The following FIG4 variants were observed in gnomAD, a reference collection of about 807,000 sequenced individuals.
FIG4 encodes polyphosphoinositide phosphatase.
In FIG4, 112 loss-of-function variants were observed where a neutral mutation model predicts 118.6. The ratio of observed to expected loss-of-function variants is 0.94; its 90% CI spans 0.81 to 1.11. The LOEUF (loss-of-function observed/expected upper bound fraction) is 1.11, where lower values mean the gene tolerates loss of function less well. Ranked by LOEUF, FIG4 falls within the 50% of genes least tolerant of loss-of-function variation. The pLI is 0.00. For synonymous variants in FIG4, 369 were observed against 381.2 expected, an observed-to-expected ratio of 0.97 and a Z score of 0.37; for missense variants, 969 against 1,111.7, an observed-to-expected ratio of 0.87 and a Z score of 1.83.
intron 22 of FIG4, among the ~76,000 whole-genome samples, chr6:109,797,109 C>T (rs1337770258): frequency 1.3e-5 from 2 of 152,118 alleles, no homozygotes; most frequent in South Asian, 2.1e-4. Flanking sequence ...TGAACTCTGC[C>T]CTCCACTGGG....
chr6:109,824,264 G>A (rs1175773753), intron 22 of FIG4, among the ~76,000 whole-genome samples: 1 of 152,184 alleles, frequency 6.6e-6, no homozygotes, highest in Non-Finnish European at 1.5e-5. Context: ...AGACCCACAA[G>A]CCATCATCCA....
At chr6:109,696,259 A>G (rs1422515787) in intron 1 of FIG4, among the ~76,000 whole-genome samples, 1 of 152,186 alleles carries the variant, frequency 6.6e-6, no homozygotes. Context: ...TATCCTTCCT[A>G]GTACTTCAAA....
Position 109,765,024 on chromosome 6 carries a change from T to C in FIG4, c.1446T>C (p.Leu482=), listed in dbSNP as rs1357627015. 6.2e-7 allele frequency: 1 copy of C among 1,614,032 alleles called. No individual in the cohort carries two copies. Among genetic ancestry groups the C allele is most frequent in the South Asian group, 1.1e-5 (1 of 91,092 alleles). ...GTATTTCTCTTTAGACTGGCATCCT[T>C]CGAACCAACTGTGTGGACTGTTTAG... ...IPTGRLQTGI[L]RTNCVDCLDR... is the part of the protein sequence containing the mutation. The change falls in exon 14 of 23, where the codon CTT becomes CTC. Residue 482 remains leucine (L), a synonymous_variant. Coordinates refer to ENST00000230124, the MANE Select transcript of FIG4 (RefSeq NM_014845.6).
Position 109,791,532 on chromosome 6 carries a change from GA to G in FIG4, c.2339del (p.Lys780ArgfsTer2), listed in dbSNP as rs756436225. 1 of 1,614,006 alleles carries G rather than the reference GA, an allele frequency of 6.2e-7. No homozygotes were observed. Among genetic ancestry groups the G allele is most frequent in the South Asian group, 1.1e-5 (1 of 91,076 alleles). ...CTGTGTCTCAGCGCTCCACTCCCGT[GA>G]AGATGACTGATGCAGGAGACAGTGC... Reference protein sequence around the residue: ...GSVSQRSTPVKMTDAGDSAKV... With the variant: ...GSVSQRSTPVXMTDAGDSAKV... On this transcript the variant is annotated frameshift_variant, in exon 20 of 23. Transcript: ENST00000230124. LOFTEE classifies it high-confidence loss of function.
At position 109,796,856 on chromosome 6, in the gene FIG4, G is replaced by C. The variant is rs1060501401; in HGVS notation, c.2546+5G>C. 2 of 1,503,756 alleles carry C rather than the reference G, an allele frequency of 1.3e-6. No individual in the cohort carries two copies. The highest frequency in any genetic ancestry group is 1.9e-6 in the Non-Finnish European group (2 of 1,079,116). The allele number at this position is 1,503,756 out of a possible 1,614,324, so 93.2% of individuals were successfully genotyped here. On this transcript the variant is annotated splice_donor_5th_base_variant and intron_variant, in intron 22 of 22. Transcript: ENST00000230124. ...CTCAGATGGAGTTATAAAACTGTAA[G>C]TACTAGATTAGATCTTTAAAGAAAT...
At chr6:109,753,423 C>T (rs1266732784) in intron 10 of FIG4, among the ~76,000 whole-genome samples, 5 of 150,202 alleles carry the variant, frequency 3.3e-5, no homozygotes, top group Non-Finnish European at 5.9e-5. Flanking sequence ...CTTGGTGATG[C>T]GGGCTCTTTT....
chr6:109,811,380 C>T (rs1373147001), intron 22 of FIG4, among the ~76,000 whole-genome samples: 2 of 152,060 alleles, frequency 1.3e-5, no homozygotes, highest in African/African-American at 2.4e-5. Context: ...CTTCTATCAG[C>T]AATGTGATGG....
intron 22 of FIG4, among the ~76,000 whole-genome samples, chr6:109,819,764 C>G (rs1778956295): frequency 6.6e-6 from 1 of 152,154 alleles, no homozygotes; most frequent in Admixed American, 6.5e-5. Flanking sequence ...TCACCATGGC[C>G]ATGTAATTGT....
intron 22 of FIG4, among the ~76,000 whole-genome samples, chr6:109,818,252 G>T (rs935934499): frequency 7.2e-5 from 11 of 151,850 alleles, no homozygotes; most frequent in African/African-American, 2.7e-4. Flanking sequence ...CCAGGTTGGA[G>T]GGCAATGGCG....
At chr6:109,821,642 T>G (rs1583780975) in intron 22 of FIG4, among the ~76,000 whole-genome samples, 1 of 152,216 alleles carries the variant, frequency 6.6e-6, no homozygotes, top group South Asian at 2.1e-4. Context: ...ACTGTTAACA[T>G]AAAAAAGATA....
intron 4 of FIG4, among the ~76,000 whole-genome samples, chr6:109,729,733 C>T (rs1377773978): frequency 2.0e-5 from 3 of 148,346 alleles, no homozygotes; most frequent in Non-Finnish European, 4.5e-5. Flanking sequence ...ATGTTTGTGC[C>T]ACTGTACTCC....
chr6:109,755,741 A>G (rs896789651), intron 10 of FIG4, among the ~76,000 whole-genome samples: 1 of 152,150 alleles, frequency 6.6e-6, no homozygotes, highest in African/African-American at 2.4e-5. Context: ...CTGTTTTATC[A>G]GAGACTAGGA....
chr6:109,796,762 T>C lies in FIG4; in HGVS notation c.2460-3T>C. 6.3e-7 allele frequency: 1 copy of C among 1,588,136 alleles called. No individual in the cohort carries two copies. Among genetic ancestry groups the C allele is most frequent in the Non-Finnish European group, 8.6e-7 (1 of 1,156,318 alleles). On this transcript the variant is annotated splice_region_variant and splice_polypyrimidine_tract_variant and intron_variant, in intron 21 of 22. Coordinates refer to ENST00000230124, the MANE Select transcript of FIG4 (RefSeq NM_014845.6). The stretch of plus-strand genomic sequence containing the variant: ...GCTGACTCTTATCCATTGTAATTTG[T>C]AGATTTGTTCAGCTGGGGCAGAGTC...
In FIG4 at chr6:109,750,473, A is replaced by AT. The variant is rs556248384; in HGVS notation, c.1137+6712dup. On this transcript the variant is annotated intron_variant, in intron 10 of 22. Transcript: ENST00000230124. ...GCATAGGAGACACAGTCTCTACAAA[A>AT]TTTTTTTTTTTCAATTAGTTGAGCA... 4.1e-4 allele frequency among the ~76,000 whole-genome samples: 61 copies of AT among 149,242 alleles called. No individual in the cohort carries two copies. The South Asian group carries it at 8.9e-3, about 22-fold the overall frequency.
chr6:109,813,906 G>A (rs78988717), intron 22 of FIG4, among the ~76,000 whole-genome samples: 8,545 of 152,204 alleles, frequency 0.056, 275 homozygotes, highest in South Asian at 0.16. Context: ...TCCAGCCTCC[G>A]TTAAGCCTTG....
chr6:109,783,612 C>T (rs1245750481), intron 16 of FIG4, among the ~76,000 whole-genome samples: 5 of 152,222 alleles, frequency 3.3e-5, no homozygotes, highest in Non-Finnish European at 7.3e-5. Context: ...ATAGCAGGTG[C>T]TTAATAAATG....
At chr6:109,727,960 C>A (rs1373889335) in intron 4 of FIG4, among the ~76,000 whole-genome samples, 1 of 152,102 alleles carries the variant, frequency 6.6e-6, no homozygotes, top group African/African-American at 2.4e-5. Context: ...AGATTTTGGT[C>A]GGATTCTGGG....
intron 1 of FIG4, among the ~76,000 whole-genome samples, chr6:109,710,856 G>T (rs181600663): frequency 8.6e-5 from 13 of 151,608 alleles, no homozygotes; most frequent in South Asian, 2.1e-4. Flanking sequence ...GTGTTTGTTT[G>T]AATCTTCTTT....
intron 10 of FIG4, 57 bp from the exon 11 acceptor site, chr6:109,760,193 C>A: frequency 6.8e-7 from 1 of 1,466,862 alleles, no homozygotes; most frequent in Non-Finnish European, 9.5e-7. Context: ...ACATGTTGAG[C>A]CTGTTCCTCT....
Sources: gnomAD v4.1 joint callset for allele counts (sites outside exome capture counted in the v4.1 genomes callset) on GRCh38, gnomAD v4.1.1 for gene constraint, MANE v1.5 for transcripts, NCBI Gene and HGNC (gene_info 2026-07-23, HGNC 2026-07-21) for gene names.